The following PCDH15 variants were observed in gnomAD, a reference collection of about 807,000 sequenced individuals.
The protein encoded by PCDH15 is protocadherin-15.
A neutral mutation model predicts 178.5 loss-of-function variants in PCDH15; 129 were observed. That is an observed-to-expected ratio of 0.72 (90% CI 0.63 to 0.84). PCDH15 has a LOEUF of 0.84. Ranked by LOEUF, PCDH15 falls within the 40% of genes least tolerant of loss-of-function variation. The pLI, the probability that PCDH15 is intolerant of heterozygous loss-of-function variation, is 0.00. For synonymous variants in PCDH15, 800 were observed against 732.0 expected (o/e 1.09, Z -1.50); for missense variants, 2,230 against 2,099.9 (o/e 1.06, Z -1.21).
At chr10:54,837,694 C>T (rs1293350705) in intron 3 of PCDH15, among the ~76,000 whole-genome samples, 1 of 151,942 alleles carries the variant, frequency 6.6e-6, no homozygotes, top group African/African-American at 2.4e-5. Flanking sequence ...ATAGGAGATC[C>T]CCTGCTCATA....
intron 27 of PCDH15, among the ~76,000 whole-genome samples, chr10:53,860,904 T>TA (rs1380567624): frequency 2.6e-5 from 4 of 151,980 alleles, no homozygotes; most frequent in African/African-American, 9.7e-5. Flanking sequence ...GATATAAAAA[T>TA]AAAAAACATT....
intron 2 of PCDH15, among the ~76,000 whole-genome samples, chr10:55,462,679 T>C (rs907456150): frequency 6.6e-6 from 1 of 152,158 alleles, no homozygotes; most frequent in Non-Finnish European, 1.5e-5. Context: ...ATTACTTTTT[T>C]TCAATTGGGT....
chr10:54,928,264 C>T (rs1183078671), intron 2 of PCDH15, among the ~76,000 whole-genome samples: 1 of 152,052 alleles, frequency 6.6e-6, no homozygotes, highest in Non-Finnish European at 1.5e-5. Context: ...ATATTGGACC[C>T]CAATCTCTTC....
chr10:54,854,375 G>A (rs980830258), intron 3 of PCDH15, among the ~76,000 whole-genome samples: 2 of 152,208 alleles, frequency 1.3e-5, no homozygotes, highest in Admixed American at 1.3e-4. Flanking sequence ...TTGTGTTACA[G>A]TTATTTTAGC....
At chr10:54,966,429 T>G (rs10763157) in intron 2 of PCDH15, among the ~76,000 whole-genome samples, 57,716 of 152,020 alleles carry the variant, frequency 0.38, 11,965 homozygotes, top group East Asian at 0.69. Context: ...TACATAAACC[T>G]AGATGGTATA....
chr10:55,120,234 G>A (rs1173522864), intron 2 of PCDH15, among the ~76,000 whole-genome samples: 1 of 152,092 alleles, frequency 6.6e-6, no homozygotes, highest in Non-Finnish European at 1.5e-5. Context: ...ATTTATGGGT[G>A]GATGATGAGC....
chr10:55,416,852 C>A (rs1315226415), intron 2 of PCDH15, among the ~76,000 whole-genome samples: 1 of 151,692 alleles, frequency 6.6e-6, no homozygotes, highest in African/African-American at 2.4e-5. Context: ...AAACAAAATT[C>A]CTATATTTTC....
intron 2 of PCDH15, among the ~76,000 whole-genome samples, chr10:55,024,310 A>T (rs1476048701): frequency 2.0e-5 from 2 of 100,512 alleles, no homozygotes; most frequent in Non-Finnish European, 4.4e-5. Context: ...TATATATGGG[A>T]TGGAATATAT....
intron 1 of PCDH15, among the ~76,000 whole-genome samples, chr10:55,200,862 T>C (rs1840226322): frequency 6.6e-6 from 1 of 152,088 alleles, no homozygotes; most frequent in Non-Finnish European, 1.5e-5. Context: ...CCCCTTCCCC[T>C]TCTGCCATGA....
chr10:54,773,344 C>T (rs144602124), intron 1 of PCDH15, among the ~76,000 whole-genome samples: 62 of 152,088 alleles, frequency 4.1e-4, no homozygotes, highest in African/African-American at 1.4e-3. Flanking sequence ...TCTCCTAATA[C>T]GTCATTTTTA....
At chr10:54,437,277 A>G (rs905780383) in intron 3 of PCDH15, among the ~76,000 whole-genome samples, 3 of 152,194 alleles carry the variant, frequency 2.0e-5, no homozygotes, top group African/African-American at 7.2e-5. Flanking sequence ...GTATTACACT[A>G]ATTAACAACA....
intron 17 of PCDH15, among the ~76,000 whole-genome samples, chr10:54,075,221 C>T (rs2094319259): frequency 6.6e-6 from 1 of 151,630 alleles, no homozygotes; most frequent in African/African-American, 2.4e-5. Flanking sequence ...CCTAAAACTC[C>T]AAAAAAATAG....
At chr10:53,950,482 A>T (rs995634395) in intron 23 of PCDH15, among the ~76,000 whole-genome samples, 1 of 152,156 alleles carries the variant, frequency 6.6e-6, no homozygotes, top group Admixed American at 6.6e-5. Context: ...TATCTTTGAA[A>T]ATTTTGCAAT....
intron 16 of PCDH15, among the ~76,000 whole-genome samples, chr10:54,083,124 C>A (rs975498610): frequency 2.6e-5 from 4 of 151,954 alleles, no homozygotes; most frequent in Admixed American, 6.6e-5. Flanking sequence ...ACAACAACAA[C>A]AAAAAATAAT....
intron 2 of PCDH15, among the ~76,000 whole-genome samples, chr10:54,969,514 A>G (rs961004159): frequency 5.9e-5 from 9 of 152,142 alleles, no homozygotes; most frequent in Admixed American, 5.2e-4. Flanking sequence ...GTTTCCTTAG[A>G]TGTCTGTGCC....
chr10:54,152,451 G>A (rs112680855), intron 14 of PCDH15, among the ~76,000 whole-genome samples: 2,334 of 151,470 alleles, frequency 0.015, 71 homozygotes, highest in African/African-American at 0.054. Context: ...TTACATAACT[G>A]TGAAAAAAAT....
chr10:55,603,580 G>T (rs1485556229), intron 2 of PCDH15, among the ~76,000 whole-genome samples: 1 of 151,622 alleles, frequency 6.6e-6, no homozygotes, highest in Admixed American at 6.6e-5. Context: ...AGAGAGTGGG[G>T]GCCAATATTC....
chr10:54,549,709 A>T (rs2086321592), intron 2 of PCDH15, among the ~76,000 whole-genome samples: 1 of 151,884 alleles, frequency 6.6e-6, no homozygotes, highest in South Asian at 2.1e-4. Flanking sequence ...ATATTTTGAT[A>T]TATTCAGTAT....
intron 32 of PCDH15, chr10:53,822,418 CAGG>C (rs1455977594): frequency 5.7e-6 from 9 of 1,579,526 alleles, no homozygotes; most frequent in Non-Finnish European, 6.9e-6. Flanking sequence ...GGAGAAATGT[CAGG>C]AGGAGGAGCA....
Sources: allele counts gnomAD v4.1 joint callset (sites outside exome capture counted in the v4.1 genomes callset), GRCh38; gene constraint gnomAD v4.1.1; transcripts MANE v1.5; gene names NCBI Gene and HGNC (gene_info 2026-07-23, HGNC 2026-07-21).